The following UBE3A variants were observed in gnomAD, a reference collection of about 807,000 sequenced individuals.
UBE3A encodes the protein ubiquitin protein ligase E3A.
In UBE3A, 6 loss-of-function variants were observed where a neutral mutation model predicts 83.4. The observed-to-expected ratio is 0.07, with a 90% CI of 0.04 to 0.14. The LOEUF (loss-of-function observed/expected upper bound fraction) is 0.14. UBE3A is among the 10% of genes least tolerant of loss of function. The pLI is 1.00. For missense variants in UBE3A, 456 were observed against 1,036.1 expected (o/e 0.44, Z 7.69); for synonymous variants, 337 against 355.4 (o/e 0.95, Z 0.58).
chr15:25,399,829 C>T (rs2086654670), intron 4 of UBE3A, among the ~76,000 whole-genome samples: 1 of 152,056 alleles, frequency 6.6e-6, no homozygotes, highest in Non-Finnish European at 1.5e-5. Flanking sequence ...CCTTCTGCCT[C>T]AGTCTCCCAG....
At chr15:25,424,884 G>A (rs532809737) in intron 1 of UBE3A, among the ~76,000 whole-genome samples, 7 of 152,224 alleles carry the variant, frequency 4.6e-5, no homozygotes, top group Non-Finnish European at 8.8e-5. Flanking sequence ...TAAATGGAAA[G>A]ATATCCCATG....
At chr15:25,398,771 TTATATATATATATA>T (rs1159969391) in intron 4 of UBE3A, among the ~76,000 whole-genome samples, 1,181 of 68,954 alleles carry the variant, frequency 0.017, 80 homozygotes, top group Middle Eastern at 0.042. Context: ...ATTCTTTTAT[TTATATATATATATA>T]TATATATATA....
In UBE3A at chr15:25,400,186, C is replaced by A. The variant is rs561918825; in HGVS notation, c.62+5275G>T. ...CCATTATTTGTATCATCTTCAATTT[C>A]TTTAATCAATGTTACATAGTTTTCA... is the stretch of plus-strand genomic sequence containing the variant. On this transcript the variant is annotated intron_variant, in intron 4 of 12. Transcript: ENST00000648336. Among the ~76,000 whole-genome samples, 5 of 152,310 alleles carry A rather than the reference C, an allele frequency of 3.3e-5. No homozygotes were observed. In the South Asian group the frequency reaches 6.2e-4, roughly 19 times the overall value.
chr15:25,415,122 A>C (rs1158365716), intron 1 of UBE3A, among the ~76,000 whole-genome samples: 1 of 152,092 alleles, frequency 6.6e-6, no homozygotes, highest in Non-Finnish European at 1.5e-5. Context: ...AATTTCCTTA[A>C]AAATATCTCT....
At position 25,334,051 on chromosome 15, in the gene UBE3A, C is replaced by G. The variant is rs947377541; in HGVS notation, c.*5086G>C. 9 of 152,218 alleles carry G rather than the reference C, an allele frequency of 5.9e-5. No individual in the cohort carries two copies. The highest frequency in any genetic ancestry group is 5.9e-4 in the Admixed American group (9 of 15,288). The allele number at this position is 152,218 out of a possible 1,614,324, so 9.4% of individuals were successfully genotyped here. On this transcript the variant is annotated 3_prime_UTR_variant, in exon 13 of 13. Transcript: ENST00000648336. ...ATCAGGAACAAGAAAAAGATGTCTG[C>G]TCTTGTCACTTCTATCCAATATTGT...
rs1292549906 is a variant in UBE3A, at chr15:25,338,216, T to TTTTG, written c.*917_*920dup. On this transcript the variant is annotated 3_prime_UTR_variant, in exon 13 of 13. Coordinates refer to ENST00000648336, the MANE Select transcript of UBE3A (RefSeq NM_130839.5). Reference sequence around the variant, plus strand: ...TATCTTAAGTGCACTTTCACATGCTTTTTGTTTATAATAAACAAACAACAA... The same window carrying TTTTG: ...TATCTTAAGTGCACTTTCACATGCTTTTTGTTTGTTTATAATAAACAAACAACAA... 2.0e-5 allele frequency: 3 copies of TTTTG among 152,182 alleles called. No individual in the cohort carries two copies. Among genetic ancestry groups the TTTTG allele is most frequent in the South Asian group, 2.1e-4 (1 of 4,834 alleles). 9.4% of individuals were successfully genotyped at this position (152,182 alleles called of 1,614,324 possible).
At chr15:25,413,437 C>G (rs2090352221) in intron 1 of UBE3A, among the ~76,000 whole-genome samples, 1 of 152,032 alleles carries the variant, frequency 6.6e-6, no homozygotes, top group Non-Finnish European at 1.5e-5. Context: ...TTTATGGTGT[C>G]TTATATTTAT....
intron 5 of UBE3A, chr15:25,374,222 T>C (rs180764564): frequency 6.6e-6 from 1 of 152,346 alleles, no homozygotes; most frequent in Non-Finnish European, 1.5e-5. Context: ...ACTGCTATAA[T>C]GCAGACTTGA....
chr15:25,429,270 C>A (rs559309788), intron 1 of UBE3A, among the ~76,000 whole-genome samples: 31 of 152,118 alleles, frequency 2.0e-4, no homozygotes, highest in Non-Finnish European at 3.5e-4. Context: ...GGTAACAGGA[C>A]TTGAACAGTT....
rs1323195768 is a variant in UBE3A at position 25,430,114 on chromosome 15, CAT to C, written c.-165+8373_-165+8374del. 1.9e-3 allele frequency among the ~76,000 whole-genome samples: 119 copies of C among 61,276 alleles called. 5 individuals carry two copies. The highest frequency in any genetic ancestry group is 0.011 in the African/African-American group (112 of 9,818). 40.2% of individuals were successfully genotyped at this position (61,276 alleles called of 152,430 possible). On this transcript the variant is annotated intron_variant, in intron 1 of 12. Transcript: ENST00000648336. ...TTATATATATATTATATATATAATA[CAT>C]ATATATAAGATTATATATATATTAT...
At chr15:25,405,355 A>G in intron 4 of UBE3A, 106 bp downstream of exon 4, 1 of 1,331,638 alleles carries the variant, frequency 7.5e-7, no homozygotes, top group Non-Finnish European at 1.1e-6. Flanking sequence ...CTGCTAAATG[A>G]TTCCTTTCTT....
intron 11 of UBE3A, among the ~76,000 whole-genome samples, chr15:25,352,316 C>A (rs1338567087): frequency 2.6e-5 from 4 of 152,082 alleles, no homozygotes; most frequent in Non-Finnish European, 4.4e-5. Flanking sequence ...ATTCTGCATA[C>A]AATAAATAAA....
intron 1 of UBE3A, among the ~76,000 whole-genome samples, chr15:25,434,963 T>TATAC (rs1404430532): frequency 4.4e-5 from 1 of 22,568 alleles, no homozygotes; most frequent in African/African-American, 8.9e-5. Context: ...TTAAATTCTA[T>TATAC]ATACATACAC....
At chr15:25,351,782 G>A (rs2076544612) in intron 11 of UBE3A, among the ~76,000 whole-genome samples, 4 of 152,164 alleles carry the variant, frequency 2.6e-5, no homozygotes, top group Admixed American at 1.3e-4. Context: ...TTCATTTCTT[G>A]TTGACTGCTT....
At chr15:25,418,537 A>G (rs150103240) in intron 1 of UBE3A, 1 of 152,288 alleles carries the variant, frequency 6.6e-6, no homozygotes, top group East Asian at 1.9e-4. Context: ...CTACTTACAT[A>G]AAGTTCTGCG....
rs1216585458 is a variant in UBE3A at position 25,339,130 on chromosome 15, T to TTTTG, written c.*3_*6dup. On this transcript the variant is annotated 3_prime_UTR_variant, in exon 13 of 13. Coordinates refer to ENST00000648336, the MANE Select transcript of UBE3A (RefSeq NM_130839.5). ...CTTTTTTTTGTTTTATTTTGTTTTG[T>TTTTG]TTTGTTTTACAGCATGCCAAATCCT... The TTTTG allele has an allele frequency of 6.5e-7, 1 of 1,543,374 alleles. No homozygotes were observed. The highest frequency in any genetic ancestry group is 2.1e-5 in the Admixed American group (1 of 46,940).
Position 25,356,669 on chromosome 15 carries a change from A to T in UBE3A, c.1959+22T>A, listed in dbSNP as rs1254996563. 2.0e-5 allele frequency: 32 copies of T among 1,605,328 alleles called. No homozygotes were observed. In the East Asian group the frequency reaches 6.0e-4, roughly 30 times the overall value. On this transcript the variant is annotated intron_variant, in intron 8 of 12. Coordinates refer to ENST00000648336, the MANE Select transcript of UBE3A (RefSeq NM_130839.5). Reference sequence around the variant, plus strand: ...TAAATAAAATCTAAGAGACTGAATTAAAAAAATGACAAAGAACTTACTGGG... The same window carrying T: ...TAAATAAAATCTAAGAGACTGAATTTAAAAAATGACAAAGAACTTACTGGG...
intron 1 of UBE3A, among the ~76,000 whole-genome samples, chr15:25,422,630 A>G (rs1464394152): frequency 6.6e-6 from 1 of 152,088 alleles, no homozygotes; most frequent in Admixed American, 6.6e-5. Flanking sequence ...CTCATATCTA[A>G]CTTTCTAAAT....
At chr15:25,402,270 C>G (rs1035362401) in intron 4 of UBE3A, among the ~76,000 whole-genome samples, 3 of 152,190 alleles carry the variant, frequency 2.0e-5, no homozygotes, top group African/African-American at 7.2e-5. Flanking sequence ...TCTGGGTCAG[C>G]AGGGTAGGTC....
Sources: allele counts gnomAD v4.1 joint callset (sites outside exome capture counted in the v4.1 genomes callset), GRCh38; gene constraint gnomAD v4.1.1; transcripts MANE v1.5; gene names NCBI Gene and HGNC (gene_info 2026-07-23, HGNC 2026-07-21).